The following DNAH6 variants were observed in gnomAD, a reference collection of about 807,000 sequenced individuals.
DNAH6 encodes the protein axonemal beta dynein heavy chain 6.
A neutral mutation model predicts 491.4 loss-of-function variants in DNAH6; 340 were observed. That is an observed-to-expected ratio of 0.69 (90% CI 0.63 to 0.76). DNAH6 has a LOEUF of 0.76. Ranked by LOEUF, DNAH6 falls within the 30% of genes least tolerant of loss-of-function variation. DNAH6 has a pLI of 0.00. For missense variants in DNAH6, 4,443 were observed against 4,972.2 expected, an observed-to-expected ratio of 0.89 and a Z score of 3.20; for synonymous variants, 1,603 against 1,686.1, an observed-to-expected ratio of 0.95 and a Z score of 1.21.
chr2:84,615,411 G>A (rs763095944), intron 22 of DNAH6, among the ~76,000 whole-genome samples: 15 of 152,056 alleles, frequency 9.9e-5, no homozygotes, highest in Non-Finnish European at 1.9e-4. Flanking sequence ...TTTTATACCA[G>A]TACCATGCTG....
At chr2:84,810,718 G>A (rs1422989778) in intron 72 of DNAH6, among the ~76,000 whole-genome samples, 1 of 152,184 alleles carries the variant, frequency 6.6e-6, no homozygotes, top group East Asian at 1.9e-4. Context: ...ATGCCATCCT[G>A]GTGAACCCAC....
chr2:84,716,273 G>A (rs1036134303), intron 58 of DNAH6, among the ~76,000 whole-genome samples: 4 of 150,648 alleles, frequency 2.7e-5, no homozygotes, highest in African/African-American at 7.3e-5. Context: ...TTAGCCAAGA[G>A]GTTCATGAGA....
rs369663939 is a variant in DNAH6 at position 84,598,126 on chromosome 2, CT to C, written c.2868+2341del. On this transcript the variant is annotated intron_variant, in intron 18 of 76. Coordinates refer to ENST00000389394, the MANE Select transcript of DNAH6 (RefSeq NM_001370.2). ...GGAACTCGTGGTTCTTTCTATCTTT[CT>C]TTTCTTTCTTTCTTTCTTTCTTTCT... 8.5e-3 allele frequency among the ~76,000 whole-genome samples: 686 copies of C among 80,312 alleles called. 5 individuals are homozygous for C. Among genetic ancestry groups the C allele is most frequent in the African/African-American group, 0.024 (616 of 25,846 alleles). 52.7% of individuals were successfully genotyped at this position (80,312 alleles called of 152,430 possible).
intron 58 of DNAH6, among the ~76,000 whole-genome samples, chr2:84,717,492 T>A (rs762312007): frequency 1.3e-5 from 2 of 152,196 alleles, no homozygotes; most frequent in Non-Finnish European, 2.9e-5. Flanking sequence ...CATAGCCATG[T>A]GATCTCAAGA....
intron 38 of DNAH6, 125 bp downstream of exon 38, chr2:84,669,635 AG>A (rs1332096915): frequency 2.1e-5 from 17 of 820,218 alleles, no homozygotes; most frequent in African/African-American, 5.1e-5. Flanking sequence ...GCACTTTTGC[AG>A]GAAGAATATT....
intron 37 of DNAH6, among the ~76,000 whole-genome samples, chr2:84,665,042 G>A (rs1458104438): frequency 6.6e-6 from 1 of 152,162 alleles, no homozygotes; most frequent in Non-Finnish European, 1.5e-5. Context: ...GATGTTCTTT[G>A]AAACCAATGA....
intron 42 of DNAH6, among the ~76,000 whole-genome samples, chr2:84,684,510 G>A (rs113919360): frequency 5.9e-5 from 9 of 152,264 alleles, no homozygotes; most frequent in African/African-American, 2.2e-4. Context: ...AAAACTTCAA[G>A]CATTTCAAGA....
At chr2:84,664,705 C>G (rs1201506924) in intron 37 of DNAH6, among the ~76,000 whole-genome samples, 1 of 152,200 alleles carries the variant, frequency 6.6e-6, no homozygotes, top group African/African-American at 2.4e-5. Context: ...AGAAAGTTAA[C>G]AAGGATATCC....
At chr2:84,517,205 G>A (rs2104394096) in intron 1 of DNAH6, among the ~76,000 whole-genome samples, 1 of 152,252 alleles carries the variant, frequency 6.6e-6, no homozygotes. Context: ...GTGCGTGGTG[G>A]TGCAGAGTGC....
rs764583857 is a variant in DNAH6, at chr2:84,577,252, T to C, written c.1925-5T>C. 6.4e-7 allele frequency: 1 copy of C among 1,556,944 alleles called. No individual in the cohort carries two copies. The highest frequency in any genetic ancestry group is 2.0e-5 in the Admixed American group (1 of 50,100). ...TTTATGCTTTATGTGAATTTTTTTA[T>C]GTAGATATTAACTTTTTTAGTGAAC... On this transcript the variant is annotated splice_polypyrimidine_tract_variant and splice_region_variant and intron_variant, in intron 12 of 76. Transcript: ENST00000389394.
At chr2:84,560,581 G>A (rs1680556191) in intron 11 of DNAH6, among the ~76,000 whole-genome samples, 1 of 151,496 alleles carries the variant, frequency 6.6e-6, no homozygotes, top group South Asian at 2.1e-4. Flanking sequence ...TTAGCATTAG[G>A]TATATCTCCT....
intron 63 of DNAH6, among the ~76,000 whole-genome samples, chr2:84,759,797 A>C (rs1030243600): frequency 6.6e-6 from 1 of 152,156 alleles, no homozygotes; most frequent in African/African-American, 2.4e-5. Flanking sequence ...AAAAGACCCC[A>C]AATAGCCAAT....
rs1426271506 is a variant in DNAH6 at position 84,677,007 on chromosome 2, T to G, written c.6615T>G (p.Asp2205Glu). Residue 2205 changes from aspartate to glutamate, a missense_variant and splice_region_variant, in exon 41 of 77, where the codon GAT becomes GAG. Around this residue, in one of 3 missense-constraint regions of DNAH6, gnomAD observed 2,977 missense variants for 3,296.6 expected, o/e 0.90. Transcript: ENST00000389394. ...CAAGTGGATTTCTCTGCACACAGGATGTAACAATCATATCGGCATGTGCAC... is the reference window on the plus strand; with the variant it reads ...CAAGTGGATTTCTCTGCACACAGGAGGTAACAATCATATCGGCATGTGCAC... ...RNKLFWKEIQ[D>E]VTIISACAPP... 6.4e-7 allele frequency: 1 copy of G among 1,551,738 alleles called. No individual in the cohort carries two copies. The highest frequency in any genetic ancestry group is 1.4e-5 in the African/African-American group (1 of 73,068).
chr2:84,566,705 G>GA (rs1350444997), intron 11 of DNAH6, among the ~76,000 whole-genome samples: 4 of 151,718 alleles, frequency 2.6e-5, no homozygotes, highest in African/African-American at 9.7e-5. Flanking sequence ...CAAAAATGTT[G>GA]AAAAAAGAAT....
intron 32 of DNAH6, 147 bp from the exon 33 acceptor site, chr2:84,641,800 G>A (rs1689432883): frequency 1.6e-6 from 1 of 625,018 alleles, no homozygotes; most frequent in Non-Finnish European, 2.7e-6. Context: ...CTCTGATGGA[G>A]ATGAACGCTG....
In DNAH6 at chr2:84,670,237, T is replaced by A. The variant is rs12470102; in HGVS notation, c.6307-91T>A. Reference sequence around the variant, plus strand: ...TCTGGCTTTAACCTCTCTCTTTTTATCCTGTTTCTTACTCATTGTGCCAAA... The same window carrying A: ...TCTGGCTTTAACCTCTCTCTTTTTAACCTGTTTCTTACTCATTGTGCCAAA... On this transcript the variant is annotated intron_variant, in intron 38 of 76. Coordinates refer to ENST00000389394, the MANE Select transcript of DNAH6 (RefSeq NM_001370.2). 0.85 allele frequency: 704,490 copies of A among 831,974 alleles called. 302,716 individuals are homozygous for A. Among genetic ancestry groups the A allele is most frequent in the East Asian group, 0.93 (32,635 of 35,086 alleles). 51.5% of individuals were successfully genotyped at this position (831,974 alleles called of 1,614,324 possible).
At chr2:84,765,481 A>G (rs1268060950) in intron 64 of DNAH6, among the ~76,000 whole-genome samples, 1 of 152,108 alleles carries the variant, frequency 6.6e-6, no homozygotes, top group Non-Finnish European at 1.5e-5. Flanking sequence ...ATTTCTTGAT[A>G]TATTCAGGAG....
In DNAH6 at chr2:84,713,203, A is replaced by G; in HGVS notation, c.9487A>G (p.Lys3163Glu). ...RLGDSDIDYD[K>E]NFRFYMTTKM... Reference sequence around the variant, plus strand: ...TGGAGACTCAGACATTGATTATGACAAAAACTTTAGGTTCTATATGACAAC... The same window carrying G: ...TGGAGACTCAGACATTGATTATGACGAAAACTTTAGGTTCTATATGACAAC... Residue 3163 changes from lysine to glutamate, a missense_variant, in exon 57 of 77, where the codon AAA becomes GAA. Around this residue, in one of 3 missense-constraint regions of DNAH6, gnomAD observed 1,463 missense variants for 1,656.6 expected, o/e 0.88. Coordinates refer to ENST00000389394, the MANE Select transcript of DNAH6 (RefSeq NM_001370.2). 6.4e-7 allele frequency: 1 copy of G among 1,552,130 alleles called. No homozygotes were observed. Among genetic ancestry groups the G allele is most frequent in the African/African-American group, 1.4e-5 (1 of 73,174 alleles).
chr2:84,616,196 G>T (rs1299381119), intron 22 of DNAH6, among the ~76,000 whole-genome samples: 2 of 152,050 alleles, frequency 1.3e-5, no homozygotes, highest in African/African-American at 4.8e-5. Context: ...TATCTGTTGA[G>T]TCCATTTGTT....
Sources: allele counts gnomAD v4.1 joint callset (sites outside exome capture counted in the v4.1 genomes callset), GRCh38; gene constraint gnomAD v4.1.1; regional missense constraint gnomAD v4.1.1; transcripts MANE v1.5; gene names NCBI Gene and HGNC (gene_info 2026-07-23, HGNC 2026-07-21).